The following AUTS2 variants were observed in gnomAD, a reference collection of about 807,000 sequenced individuals.
The protein encoded by AUTS2 is autism susceptibility gene 2 protein.
Under a neutral mutation model 112.4 loss-of-function variants are expected in AUTS2, and 17 were observed. The observed-to-expected ratio is 0.15, with a 90% confidence interval of 0.10 to 0.23. AUTS2 has a LOEUF of 0.23. Ranked by LOEUF, AUTS2 falls within the 10% of genes least tolerant of loss-of-function variation. The pLI, the probability that AUTS2 is intolerant of heterozygous loss-of-function variation, is 1.00. For synonymous variants in AUTS2, 751 were observed against 702.7 expected (o/e 1.07, Z -1.09); for missense variants, 1,510 against 1,701.6 (o/e 0.89, Z 1.98).
intron 6 of AUTS2, among the ~76,000 whole-genome samples, chr7:70,714,546 A>G (rs1192189669): frequency 1.3e-5 from 2 of 152,190 alleles, no homozygotes; most frequent in Non-Finnish European, 2.9e-5. Context: ...GGGTCATTTT[A>G]CGTGATCTGT....
intron 1 of AUTS2, among the ~76,000 whole-genome samples, chr7:69,840,555 G>A (rs886352905): frequency 3.3e-5 from 5 of 152,176 alleles, no homozygotes; most frequent in African/African-American, 9.7e-5. Context: ...TTCACAGGTC[G>A]AAGAGGCTTC....
intron 1 of AUTS2, among the ~76,000 whole-genome samples, chr7:69,608,312 A>T (rs1339833826): frequency 6.6e-6 from 1 of 152,204 alleles, no homozygotes; most frequent in East Asian, 1.9e-4. Context: ...ACAAGTTGTG[A>T]TGACGCCTGA....
At chr7:70,212,473 A>G (rs1407050794) in intron 4 of AUTS2, among the ~76,000 whole-genome samples, 1 of 152,214 alleles carries the variant, frequency 6.6e-6, no homozygotes, top group East Asian at 1.9e-4. Flanking sequence ...AGCTCAGACA[A>G]CATATGGCCA....
chr7:70,580,492 G>A (rs1802383104), intron 5 of AUTS2, among the ~76,000 whole-genome samples: 1 of 152,098 alleles, frequency 6.6e-6, no homozygotes, highest in South Asian at 2.1e-4. Flanking sequence ...TTATTTACTG[G>A]TAGGAATTCT....
intron 2 of AUTS2, among the ~76,000 whole-genome samples, chr7:70,110,531 T>C (rs1805016468): frequency 6.6e-6 from 1 of 152,076 alleles, no homozygotes; most frequent in African/African-American, 2.4e-5. Flanking sequence ...AATAAATAAA[T>C]AAACAAATAA....
At chr7:69,909,655 AT>A (rs1273685102) in intron 2 of AUTS2, among the ~76,000 whole-genome samples, 2 of 152,178 alleles carry the variant, frequency 1.3e-5, no homozygotes, top group Non-Finnish European at 2.9e-5. Context: ...TGAATTTACG[AT>A]TTTGATTCCA....
chr7:70,260,835 C>T (rs1399406051), intron 4 of AUTS2, among the ~76,000 whole-genome samples: 6 of 151,726 alleles, frequency 4.0e-5, no homozygotes, highest in African/African-American at 1.2e-4. Context: ...CTGCAACCTC[C>T]GCCTCCCGGG....
At chr7:70,065,818 A>G (rs759262786) in intron 2 of AUTS2, among the ~76,000 whole-genome samples, 54 of 152,170 alleles carry the variant, frequency 3.5e-4, no homozygotes, top group Admixed American at 2.6e-3. Flanking sequence ...GAATCCTCCC[A>G]CCTCAGCCTC....
chr7:69,787,831 TC>T (rs1183460927), intron 1 of AUTS2, among the ~76,000 whole-genome samples: 1 of 150,338 alleles, frequency 6.7e-6, no homozygotes, highest in Non-Finnish European at 1.5e-5. Context: ...CACCTTGGCC[TC>T]CCAAAGTGCT....
intron 1 of AUTS2, among the ~76,000 whole-genome samples, chr7:69,743,024 C>T (rs1449616679): frequency 1.3e-5 from 2 of 152,166 alleles, no homozygotes; most frequent in Non-Finnish European, 2.9e-5. Context: ...GTTGGTGGCT[C>T]TTGCTTGGAG....
intron 1 of AUTS2, among the ~76,000 whole-genome samples, chr7:69,613,007 T>C (rs1408690369): frequency 1.3e-5 from 2 of 152,222 alleles, no homozygotes; most frequent in Non-Finnish European, 2.9e-5. Flanking sequence ...CTAGCAATTT[T>C]GCATTCGTTA....
intron 1 of AUTS2, among the ~76,000 whole-genome samples, chr7:69,888,571 A>C (rs1038127066): frequency 1.9e-4 from 26 of 137,906 alleles, no homozygotes; most frequent in Non-Finnish European, 3.5e-4. Context: ...ATATATATAT[A>C]TGTATGGTTT....
chr7:70,544,331 A>G (rs758939812), intron 5 of AUTS2, among the ~76,000 whole-genome samples: 1 of 152,202 alleles, frequency 6.6e-6, no homozygotes, highest in Admixed American at 6.5e-5. Flanking sequence ...AAAAGTTAAT[A>G]ACTACCTAAA....
chr7:70,090,609 ATTC>A (rs921534414), intron 2 of AUTS2, among the ~76,000 whole-genome samples: 4 of 149,618 alleles, frequency 2.7e-5, no homozygotes, highest in Admixed American at 1.3e-4. Flanking sequence ...GGTGCTCTTC[ATTC>A]TTCTTTACAT....
chr7:70,555,451 G>A (rs1427998517), intron 5 of AUTS2, among the ~76,000 whole-genome samples: 1 of 152,136 alleles, frequency 6.6e-6, no homozygotes, highest in Non-Finnish European at 1.5e-5. Flanking sequence ...ATTACCCCAG[G>A]GGAGGAGATG....
chr7:70,688,065 T>A (rs1320548237), intron 5 of AUTS2, among the ~76,000 whole-genome samples: 3 of 152,118 alleles, frequency 2.0e-5, no homozygotes, highest in Admixed American at 2.0e-4. Context: ...CTGCCATGAG[T>A]AAGAGCAGTG....
chr7:70,407,249 C>T (rs1425021818), intron 4 of AUTS2, among the ~76,000 whole-genome samples: 1 of 152,186 alleles, frequency 6.6e-6, no homozygotes, highest in Non-Finnish European at 1.5e-5. Context: ...CCAGTATTTT[C>T]TCTCTCCCCT....
chr7:70,351,995 G>A (rs959855501), intron 4 of AUTS2, among the ~76,000 whole-genome samples: 29 of 152,150 alleles, frequency 1.9e-4, no homozygotes, highest in African/African-American at 6.8e-4. Flanking sequence ...GAGCTACCAG[G>A]CCCAGCCTTG....
intron 4 of AUTS2, among the ~76,000 whole-genome samples, chr7:70,332,120 G>C (rs574318636): frequency 6.6e-6 from 1 of 152,240 alleles, no homozygotes; most frequent in South Asian, 2.1e-4. Flanking sequence ...AAAATCCCAG[G>C]ATACAAAATC....
Sources: allele counts gnomAD v4.1 joint callset (sites outside exome capture counted in the v4.1 genomes callset), GRCh38; gene constraint gnomAD v4.1.1; transcripts MANE v1.5; gene names NCBI Gene and HGNC (gene_info 2026-07-23, HGNC 2026-07-21).